The following U2SURP variants were observed in gnomAD, a reference collection of about 807,000 sequenced individuals.
U2SURP encodes U2 snRNP-associated SURP motif-containing protein.
In U2SURP, 9 loss-of-function variants were observed where a neutral mutation model predicts 144.9. That is an observed-to-expected ratio of 0.06 (90% CI 0.04 to 0.11). The LOEUF (loss-of-function observed/expected upper bound fraction) is 0.11, where lower values mean the gene tolerates loss of function less well. Ranked by LOEUF, U2SURP falls within the 10% of genes least tolerant of loss-of-function variation. U2SURP has a pLI of 1.00. For synonymous variants in U2SURP, 408 were observed against 396.8 expected (o/e 1.03, Z -0.33); for missense variants, 724 against 1,226.7 (o/e 0.59, Z 6.12).
chr3:143,033,059 A>C, intron 17 of U2SURP, 113 bp downstream of exon 17: 1 of 1,232,478 alleles, frequency 8.1e-7, no homozygotes, highest in Non-Finnish European at 1.1e-6. Flanking sequence ...ATGCAGTCTT[A>C]TGTTATTTCT....
At chr3:143,010,757 C>A in intron 1 of U2SURP, 58 bp from the exon 2 acceptor site, 1 of 1,338,200 alleles carries the variant, frequency 7.5e-7, no homozygotes, top group African/African-American at 1.5e-5. Context: ...ACACGAGAGA[C>A]ATGTTTTGTT....
intron 3 of U2SURP, 159 bp downstream of exon 3, chr3:143,012,512 CATTT>C: frequency 1.7e-6 from 1 of 590,508 alleles, no homozygotes; most frequent in Non-Finnish European, 2.6e-6. Flanking sequence ...ACAGTAAACT[CATTT>C]ATGTAGGGAC....
chr3:143,046,189 T>A (rs1040334680), intron 24 of U2SURP, among the ~76,000 whole-genome samples: 2 of 151,374 alleles, frequency 1.3e-5, no homozygotes, highest in East Asian at 3.9e-4. Context: ...ATGATTCGTG[T>A]TATAAAATAC....
rs1202956943 is a variant in U2SURP at position 143,001,595 on chromosome 3, T to G, written c.-34T>G. 5 of 1,613,086 alleles carry G rather than the reference T, an allele frequency of 3.1e-6. No homozygotes were observed. In the East Asian group the frequency reaches 1.1e-4, roughly 36 times the overall value. On this transcript the variant is annotated 5_prime_UTR_variant, in exon 1 of 28. Transcript: ENST00000473835. ...CTTTCGGTGCTCGACTCGCCCGTGC[T>G]GCTGCCGCCGCCGAAGGAGGGGCAA...
rs895822072 is a variant in U2SURP at position 143,057,505 on chromosome 3, G to A, written c.*1055G>A. 1 of 152,002 alleles carries A rather than the reference G, an allele frequency of 6.6e-6. No individual in the cohort carries two copies. Among genetic ancestry groups the A allele is most frequent in the Admixed American group, 6.6e-5 (1 of 15,226 alleles). The allele number at this position is 152,002 out of a possible 1,614,324, so 9.4% of individuals were successfully genotyped here. ...GTATCTAATGGTTTGTAAATTCAAG[G>A]TGCAAAAAGTTGATTTAAACCATTT... On this transcript the variant is annotated 3_prime_UTR_variant, in exon 28 of 28. Coordinates refer to ENST00000473835, the MANE Select transcript of U2SURP (RefSeq NM_001080415.2).
intron 6 of U2SURP, among the ~76,000 whole-genome samples, chr3:143,019,719 C>G (rs1379791602): frequency 1.3e-5 from 2 of 152,128 alleles, no homozygotes; most frequent in African/African-American, 4.8e-5. Flanking sequence ...AGTTCAGTTA[C>G]TTCATGTTCA....
At chr3:143,022,729 A>G (rs759544197) in intron 11 of U2SURP, 67 bp downstream of exon 11, 42 of 1,500,784 alleles carry the variant, frequency 2.8e-5, no homozygotes, top group Non-Finnish European at 3.6e-5. Flanking sequence ...AGTATTTATA[A>G]AAACTAGGAA....
chr3:143,007,309 CAG>C lies in U2SURP; in HGVS notation c.46-3505_46-3504del, dbSNP rs1000542033. Among the ~76,000 whole-genome samples the C allele has an allele frequency of 7.3e-5, 11 of 150,882 alleles. No individual in the cohort carries two copies. In the East Asian group the frequency reaches 7.8e-4, roughly 11 times the overall value. On this transcript the variant is annotated intron_variant, in intron 1 of 27. Transcript: ENST00000473835. ...TTTTCTTTTTTTTTTTTTCCAGAGA[CAG>C]GGGTTCTTGCTATGTTGCCCAGGCT...
In U2SURP at chr3:143,036,143, G is replaced by A. The variant is rs113226371; in HGVS notation, c.2064+39G>A. The A allele has an allele frequency of 3.2e-4, 503 of 1,549,202 alleles. 3 individuals carry two copies. The African/African-American group carries it at 5.8e-3, about 18-fold the overall frequency. ...ATTTGTCTGGTTGTTTTTAAAATTC[G>A]TTTCTGGGGTGGAGGTTTCTTGGAG... On this transcript the variant is annotated intron_variant, in intron 20 of 27. Transcript: ENST00000473835.
At chr3:143,051,344 G>A (rs1293866837) in intron 25 of U2SURP, among the ~76,000 whole-genome samples, 1 of 152,198 alleles carries the variant, frequency 6.6e-6, no homozygotes, top group African/African-American at 2.4e-5. Flanking sequence ...GTCACATTTT[G>A]TGACAGTGAG....
intron 3 of U2SURP, among the ~76,000 whole-genome samples, chr3:143,012,571 A>G (rs1337134563): frequency 6.6e-6 from 1 of 152,160 alleles, no homozygotes; most frequent in African/African-American, 2.4e-5. Flanking sequence ...AGAGTTTTAA[A>G]TTTTATTTGA....
intron 20 of U2SURP, among the ~76,000 whole-genome samples, chr3:143,036,388 G>A (rs968049860): frequency 1.1e-4 from 16 of 151,900 alleles, no homozygotes; most frequent in Admixed American, 5.9e-4. Flanking sequence ...GCAAGTAATA[G>A]AGCAATATGT....
chr3:143,027,299 C>T (rs1460010075), intron 14 of U2SURP, 46 bp downstream of exon 14: 3 of 1,461,810 alleles, frequency 2.1e-6, no homozygotes, highest in South Asian at 2.3e-5. Flanking sequence ...CATAAAATTT[C>T]CCATTTTAAC....
intron 27 of U2SURP, among the ~76,000 whole-genome samples, chr3:143,055,773 A>G (rs778553375): frequency 1.3e-5 from 2 of 152,158 alleles, no homozygotes; most frequent in African/African-American, 2.4e-5. Context: ...TTATATATGT[A>G]TGTATATGTA....
chr3:143,054,948 G>C lies in U2SURP; in HGVS notation c.2780G>C (p.Arg927Thr). The change falls in exon 27 of 28, where the codon AGG becomes ACG. Residue 927 changes from arginine to threonine, a missense_variant. Arg to Thr is a moderately conservative substitution (Grantham distance 71, BLOSUM62 -1). Transcript: ENST00000473835. ...TTGGGGGCTTTGTTCCATAGGAAGAGGCGACACAGTACATCCCCCAGCCCA... is the reference window on the plus strand; with the variant it reads ...TTGGGGGCTTTGTTCCATAGGAAGACGCGACACAGTACATCCCCCAGCCCA... ...ECTPTRKERK[R>T]RHSTSPSPSR... 1 of 1,597,054 alleles carries C rather than the reference G, an allele frequency of 6.3e-7. No homozygotes were observed. The highest frequency in any genetic ancestry group is 8.5e-7 in the Non-Finnish European group (1 of 1,174,664).
chr3:143,007,874 A>G (rs919033261), intron 1 of U2SURP, among the ~76,000 whole-genome samples: 3 of 152,224 alleles, frequency 2.0e-5, no homozygotes, highest in East Asian at 3.8e-4. Context: ...AAGTAGTGCT[A>G]TATTTACTGT....
At chr3:143,015,144 C>T (rs923738665) in intron 4 of U2SURP, among the ~76,000 whole-genome samples, 1 of 152,080 alleles carries the variant, frequency 6.6e-6, no homozygotes, top group Non-Finnish European at 1.5e-5. Context: ...CAGTAGAGGA[C>T]TTTTGCCAAT....
chr3:143,051,598 G>A (rs1389613581), intron 25 of U2SURP, among the ~76,000 whole-genome samples: 4 of 69,266 alleles, frequency 5.8e-5, no homozygotes, highest in Admixed American at 4.1e-4. Flanking sequence ...TGAGACTGTC[G>A]TTGCAAAAAA....
intron 4 of U2SURP, 48 bp downstream of exon 4, chr3:143,014,457 T>G (rs1936262137): frequency 7.6e-7 from 1 of 1,313,780 alleles, no homozygotes; most frequent in Admixed American, 2.0e-5. Flanking sequence ...TGAATGTGTC[T>G]AAGGGGTTAG....
Sources: gnomAD v4.1 joint callset for allele counts (sites outside exome capture counted in the v4.1 genomes callset) on GRCh38, gnomAD v4.1.1 for gene constraint, MANE v1.5 for transcripts, NCBI Gene and HGNC (gene_info 2026-07-23, HGNC 2026-07-21) for gene names.